PDE4D: variants seen among roughly 807,000 people sequenced by gnomAD.
PDE4D encodes the protein 3',5'-cyclic-AMP phosphodiesterase 4D.
A neutral mutation model predicts 87.4 loss-of-function variants in PDE4D; 24 were observed. That is an observed-to-expected ratio of 0.27 (90% CI 0.20 to 0.39). The LOEUF is 0.39. PDE4D is among the 10% of genes least tolerant of loss of function. The pLI is 1.00. For synonymous variants in PDE4D, 384 were observed against 383.2 expected, an observed-to-expected ratio of 1.00 and a Z score of -0.02; for missense variants, 714 against 1,041.0, an observed-to-expected ratio of 0.69 and a Z score of 4.32.
chr5:60,343,667 A>G (rs556554963), intron 1 of PDE4D, among the ~76,000 whole-genome samples: 44 of 151,816 alleles, frequency 2.9e-4, no homozygotes, highest in Non-Finnish European at 5.6e-4. Context: ...ACAAGACTGG[A>G]GGGTCGAAAG....
At chr5:60,278,313 A>C (rs1446817456) in intron 1 of PDE4D, among the ~76,000 whole-genome samples, 1 of 152,042 alleles carries the variant, frequency 6.6e-6, no homozygotes, top group African/African-American at 2.4e-5. Context: ...GTAAGGAATA[A>C]TTTTTCTCTG....
At position 59,128,381 on chromosome 5, in the gene PDE4D, A is replaced by G. The variant is rs116372171; in HGVS notation, c.808+52214T>C. On this transcript the variant is annotated intron_variant, in intron 5 of 14. Coordinates refer to ENST00000340635, the MANE Select transcript of PDE4D (RefSeq NM_001104631.2). ...AGTATCACTAAGAATTAAATATTTC[A>G]CTCTAAATACTCATGACTTGTTAAG... Among the ~76,000 whole-genome samples the G allele has an allele frequency of 8.6e-3, 1,307 of 152,136 alleles. 19 individuals carry two copies. The highest frequency in any genetic ancestry group is 0.03 in the African/African-American group (1,226 of 41,498).
intron 1 of PDE4D, among the ~76,000 whole-genome samples, chr5:59,717,139 A>G (rs1755149673): frequency 6.6e-6 from 1 of 152,122 alleles, no homozygotes; most frequent in Non-Finnish European, 1.5e-5. Flanking sequence ...TCCTGCCTTT[A>G]TTCTCTCTCA....
chr5:59,348,623 C>CTTTT lies in PDE4D; in HGVS notation c.456-132659_456-132656dup, dbSNP rs5868176. On this transcript the variant is annotated intron_variant, in intron 1 of 14. Coordinates refer to ENST00000340635, the MANE Select transcript of PDE4D (RefSeq NM_001104631.2). ...ATCTTTTTAAAGCTTCACTTCAAAG[C>CTTTT]TTTTTTTTTTTTTTTGGAATGTGGC... Among the ~76,000 whole-genome samples the CTTTT allele has an allele frequency of 2.1e-3, 277 of 130,010 alleles. 4 individuals are homozygous for CTTTT. Among genetic ancestry groups the CTTTT allele is most frequent in the East Asian group, 4.3e-3 (19 of 4,414 alleles). 85.3% of individuals were successfully genotyped at this position (130,010 alleles called of 152,430 possible). A position where few individuals can be genotyped will look rare whatever the true frequency, so the allele number is the denominator to read the frequency against.
chr5:60,024,018 C>T (rs973829254), intron 2 of PDE4D, among the ~76,000 whole-genome samples: 1 of 152,074 alleles, frequency 6.6e-6, no homozygotes. Context: ...TTACAAAATA[C>T]AATATTTTTA....
chr5:59,771,481 GA>G (rs140028087), intron 1 of PDE4D, among the ~76,000 whole-genome samples: 1 of 104,194 alleles, frequency 9.6e-6, no homozygotes, highest in Non-Finnish European at 1.9e-5. Context: ...AAGAAAGAAA[GA>G]AAGAGAGAGA....
At chr5:59,845,983 C>T (rs902065389) in intron 1 of PDE4D, among the ~76,000 whole-genome samples, 6 of 151,860 alleles carry the variant, frequency 4.0e-5, no homozygotes, top group Non-Finnish European at 8.8e-5. Flanking sequence ...ATGCTAATTG[C>T]GTCAAGCTGA....
chr5:60,291,381 T>G (rs1304233140), intron 1 of PDE4D, among the ~76,000 whole-genome samples: 1 of 152,186 alleles, frequency 6.6e-6, no homozygotes, highest in Non-Finnish European at 1.5e-5. Flanking sequence ...CATAGGGTTC[T>G]TTGAACAAAA....
intron 1 of PDE4D, among the ~76,000 whole-genome samples, chr5:60,246,880 A>G (rs532632070): frequency 2.0e-5 from 3 of 152,082 alleles, no homozygotes; most frequent in East Asian, 3.9e-4. Flanking sequence ...TCTTTCTCCT[A>G]AGAAGTTTGT....
intron 1 of PDE4D, among the ~76,000 whole-genome samples, chr5:59,388,072 C>T (rs383046): frequency 0.25 from 37,365 of 151,744 alleles, 4,876 homozygotes; most frequent in East Asian, 0.39. Context: ...ACTTATTTCA[C>T]TTAACATAAC....
At chr5:60,357,153 C>CAA (rs57121664) in intron 1 of PDE4D, among the ~76,000 whole-genome samples, 2 of 141,894 alleles carry the variant, frequency 1.4e-5, no homozygotes, top group African/African-American at 2.6e-5. Context: ...GCAGCAATAC[C>CAA]AAAAAAAAAA....
chr5:60,159,395 CTAT>C (rs147001004), intron 2 of PDE4D, among the ~76,000 whole-genome samples: 4,318 of 152,168 alleles, frequency 0.028, 196 homozygotes, highest in African/African-American at 0.099. Context: ...GGGACGTAAT[CTAT>C]TATATTAAGT....
At chr5:60,326,716 C>T (rs1756827904) in intron 1 of PDE4D, among the ~76,000 whole-genome samples, 1 of 152,114 alleles carries the variant, frequency 6.6e-6, no homozygotes, top group South Asian at 2.1e-4. Flanking sequence ...ACAGGTTTAA[C>T]TGGTTAAAGA....
chr5:60,126,532 T>G (rs1040459936), intron 2 of PDE4D, among the ~76,000 whole-genome samples: 3 of 152,218 alleles, frequency 2.0e-5, no homozygotes, highest in African/African-American at 7.2e-5. Context: ...CAAGGCAGTC[T>G]TAATATATCA....
intron 1 of PDE4D, among the ~76,000 whole-genome samples, chr5:59,339,441 A>C (rs903922815): frequency 6.6e-6 from 1 of 152,224 alleles, no homozygotes; most frequent in South Asian, 2.1e-4. Flanking sequence ...ATATAGATGC[A>C]TGTGCAGGGG....
In PDE4D at chr5:58,972,964, A is replaced by C. The variant is rs934443244; in HGVS notation, c.*1700T>G. On this transcript the variant is annotated 3_prime_UTR_variant, in exon 15 of 15. Coordinates refer to ENST00000340635, the MANE Select transcript of PDE4D (RefSeq NM_001104631.2). ...TTCTTTCCCTCCATGTGTTTAAAGA[A>C]GTAGTTCCCCTCTGCAAGATATGCT... 6.6e-6 allele frequency: 1 copy of C among 152,220 alleles called. No individual in the cohort carries two copies. The highest frequency in any genetic ancestry group is 6.5e-5 in the Admixed American group (1 of 15,274). The allele number at this position is 152,220 out of a possible 1,614,324, so 9.4% of individuals were successfully genotyped here.
At chr5:59,756,954 T>C (rs1040931076) in intron 1 of PDE4D, among the ~76,000 whole-genome samples, 7 of 151,980 alleles carry the variant, frequency 4.6e-5, no homozygotes, top group Admixed American at 1.3e-4. Context: ...TGCACCACCA[T>C]GCCCAGCTAA....
intron 5 of PDE4D, among the ~76,000 whole-genome samples, chr5:59,153,956 A>G (rs891274116): frequency 6.6e-6 from 1 of 152,172 alleles, no homozygotes; most frequent in African/African-American, 2.4e-5. Flanking sequence ...CGAGTTTTAG[A>G]TGGTGAGAAG....
intron 2 of PDE4D, among the ~76,000 whole-genome samples, chr5:59,205,653 A>ACAC (rs1748592143): frequency 2.2e-5 from 3 of 136,408 alleles, no homozygotes; most frequent in East Asian, 2.2e-4. Context: ...CCACTAGCTA[A>ACAC]ACACACACAC....
Sources: gnomAD v4.1 joint callset for allele counts (sites outside exome capture counted in the v4.1 genomes callset) on GRCh38, gnomAD v4.1.1 for gene constraint, MANE v1.5 for transcripts, NCBI Gene and HGNC (gene_info 2026-07-23, HGNC 2026-07-21) for gene names.